Variants in LYPD6B observed in about 807,000 individuals in gnomAD.
The protein encoded by LYPD6B is ly6/PLAUR domain-containing protein 6B.
LYPD6B carries 17 observed loss-of-function variants against 22.8 expected under a neutral mutation model. That is an observed-to-expected ratio of 0.75 (90% CI 0.51 to 1.12). The LOEUF is 1.12. Among genes scored for constraint, LYPD6B ranks in the 50% most tolerant of loss-of-function variants. LYPD6B has a pLI of 0.00. For synonymous variants in LYPD6B, 106 were observed against 91.6 expected (o/e 1.16, Z -0.90); for missense variants, 221 against 258.3 (o/e 0.86, Z 0.99).
At chr2:149,197,787 C>G (rs1692907349) in intron 3 of LYPD6B, among the ~76,000 whole-genome samples, 1 of 152,148 alleles carries the variant, frequency 6.6e-6, no homozygotes, top group Non-Finnish European at 1.5e-5. Context: ...ATCCTCTCAT[C>G]CAGTATGGGT....
chr2:149,211,990 A>T (rs1693881279), intron 5 of LYPD6B, among the ~76,000 whole-genome samples: 1 of 151,300 alleles, frequency 6.6e-6, no homozygotes, highest in Non-Finnish European at 1.5e-5. Flanking sequence ...GGTGGGTGGG[A>T]AACAGAGAAA....
intron 3 of LYPD6B, among the ~76,000 whole-genome samples, chr2:149,196,477 G>T (rs1692816021): frequency 6.6e-6 from 1 of 152,160 alleles, no homozygotes. Flanking sequence ...GTGAGTGGGG[G>T]CTTTATAAAC....
intron 3 of LYPD6B, among the ~76,000 whole-genome samples, chr2:149,181,746 G>A (rs1008763019): frequency 2.6e-5 from 4 of 151,934 alleles, no homozygotes; most frequent in Admixed American, 2.0e-4. Flanking sequence ...TCCATTTCAC[G>A]AAATCATTCT....
intron 1 of LYPD6B, among the ~76,000 whole-genome samples, chr2:149,089,070 T>C (rs892960214): frequency 2.6e-5 from 4 of 152,320 alleles, no homozygotes; most frequent in Admixed American, 2.6e-4. Context: ...AAAGATAGAA[T>C]ACATGTAAAG....
chr2:149,074,266 ATG>A (rs1409160204), intron 1 of LYPD6B, among the ~76,000 whole-genome samples: 2 of 124,932 alleles, frequency 1.6e-5, no homozygotes, highest in African/African-American at 6.0e-5. Context: ...ACACGCATGC[ATG>A]CACACACACA....
intron 2 of LYPD6B, among the ~76,000 whole-genome samples, chr2:149,145,207 C>T (rs1049830687): frequency 6.6e-6 from 1 of 152,126 alleles, no homozygotes; most frequent in Non-Finnish European, 1.5e-5. Context: ...TTATGAGTTT[C>T]CTTCTGTTAG....
intron 4 of LYPD6B, among the ~76,000 whole-genome samples, chr2:149,207,635 A>T (rs1157112703): frequency 3.9e-5 from 6 of 152,120 alleles, no homozygotes; most frequent in Non-Finnish European, 8.8e-5. Flanking sequence ...AATTACTATC[A>T]TCCTCATATT....
intron 1 of LYPD6B, among the ~76,000 whole-genome samples, chr2:149,123,816 C>T (rs1348826363): frequency 5.9e-5 from 9 of 152,128 alleles, no homozygotes; most frequent in African/African-American, 2.2e-4. Context: ...GCTGAGATTG[C>T]GCCACTGCAC....
intron 1 of LYPD6B, among the ~76,000 whole-genome samples, chr2:149,083,796 GC>G (rs1217401646): frequency 6.6e-6 from 1 of 152,072 alleles, no homozygotes; most frequent in Non-Finnish European, 1.5e-5. Context: ...TACACTTTAG[GC>G]CGGGTGCAGT....
At chr2:149,057,999 C>T (rs1192496827) in intron 1 of LYPD6B, among the ~76,000 whole-genome samples, 1 of 152,140 alleles carries the variant, frequency 6.6e-6, no homozygotes, top group Admixed American at 6.5e-5. Context: ...GAGGTCCATT[C>T]CTAGGAAATG....
intron 1 of LYPD6B, among the ~76,000 whole-genome samples, chr2:149,065,920 C>T (rs1435434860): frequency 6.6e-6 from 1 of 152,046 alleles, no homozygotes; most frequent in Non-Finnish European, 1.5e-5. Context: ...CCTTGTTACT[C>T]AGGCTGGTTT....
intron 1 of LYPD6B, among the ~76,000 whole-genome samples, chr2:149,123,971 T>C (rs943677335): frequency 2.6e-5 from 4 of 152,232 alleles, no homozygotes; most frequent in Non-Finnish European, 4.4e-5. Context: ...GGAAATGTAA[T>C]ACTCACCTGA....
At chr2:149,187,579 T>C in intron 3 of LYPD6B, 1 of 1,389,022 alleles carries the variant, frequency 7.2e-7, no homozygotes, top group Non-Finnish European at 9.4e-7. Context: ...CCTGACACAT[T>C]GTAGGTGCCC....
chr2:149,116,144 G>C (rs1215605564), intron 1 of LYPD6B, among the ~76,000 whole-genome samples: 2 of 152,184 alleles, frequency 1.3e-5, no homozygotes, highest in African/African-American at 4.8e-5. Flanking sequence ...AAGATATTTT[G>C]AGAGAGCCCA....
intron 1 of LYPD6B, among the ~76,000 whole-genome samples, chr2:149,099,429 G>GTACCTAGGATCCTTGGTCCCCTCA: frequency 8.5e-6 from 1 of 117,402 alleles, no homozygotes; most frequent in Admixed American, 9.6e-5. Context: ...TAGGATCCTT[G>GTACCTAGGATCCTTGGTCCCCTCA]TACCTAGGAT....
At chr2:149,090,527 A>G (rs1228590204) in intron 1 of LYPD6B, among the ~76,000 whole-genome samples, 1 of 152,166 alleles carries the variant, frequency 6.6e-6, no homozygotes, top group African/African-American at 2.4e-5. Context: ...AATATTGTCA[A>G]TACTCTTAGC....
chr2:149,044,533 G>A (rs748185237), intron 1 of LYPD6B, among the ~76,000 whole-genome samples: 7 of 152,120 alleles, frequency 4.6e-5, no homozygotes, highest in African/African-American at 1.4e-4. Context: ...TCTGTGAATA[G>A]AGACAGTTTT....
chr2:149,040,484 C>T (rs907563254), intron 1 of LYPD6B, among the ~76,000 whole-genome samples: 5 of 152,090 alleles, frequency 3.3e-5, no homozygotes, highest in Admixed American at 3.3e-4. Flanking sequence ...TCTTGGCCTC[C>T]CAAAGTGCTG....
intron 2 of LYPD6B, among the ~76,000 whole-genome samples, chr2:149,143,192 A>G (rs751634241): frequency 6.6e-6 from 1 of 152,256 alleles, no homozygotes; most frequent in East Asian, 1.9e-4. Context: ...AAAAATATGC[A>G]TAAATCCATT....
Sources: gnomAD v4.1 joint callset for allele counts (sites outside exome capture counted in the v4.1 genomes callset) on GRCh38, gnomAD v4.1.1 for gene constraint, MANE v1.5 for transcripts, NCBI Gene and HGNC (gene_info 2026-07-23, HGNC 2026-07-21) for gene names.